Variants in DGKB observed in about 807,000 individuals in gnomAD.
DGKB encodes 90 kDa diacylglycerol kinase.
DGKB carries 67 observed loss-of-function variants against 114.3 expected under a neutral mutation model. That is an observed-to-expected ratio of 0.59 (90% CI 0.48 to 0.72). DGKB has a LOEUF of 0.72. Ranked by LOEUF, DGKB falls within the 30% of genes least tolerant of loss-of-function variation. The pLI is 0.00. For missense variants in DGKB, 907 were observed against 975.2 expected (o/e 0.93, Z 0.93); for synonymous variants, 398 against 323.1 (o/e 1.23, Z -2.49).
chr7:14,632,193 T>A (rs1253296169), intron 13 of DGKB, among the ~76,000 whole-genome samples: 1 of 151,872 alleles, frequency 6.6e-6, no homozygotes, highest in Non-Finnish European at 1.5e-5. Context: ...ACAGAAGGCA[T>A]TTTGGGGATA....
At chr7:14,177,005 T>C (rs1201549212) in intron 24 of DGKB, 106 bp from the exon 25 acceptor site, 12 of 1,311,458 alleles carry the variant, frequency 9.2e-6, no homozygotes, top group South Asian at 2.8e-5. Context: ...ATGGTAATAG[T>C]TGGGCTCTAA....
intron 6 of DGKB, among the ~76,000 whole-genome samples, chr7:14,711,523 G>A (rs757368309): frequency 2.7e-4 from 41 of 152,162 alleles, no homozygotes; most frequent in Middle Eastern, 3.4e-3. Flanking sequence ...AACAGTAAGA[G>A]ATGAAATAGG....
At chr7:14,818,891 C>T (rs1182998830) in intron 2 of DGKB, among the ~76,000 whole-genome samples, 8 of 152,116 alleles carry the variant, frequency 5.3e-5, no homozygotes, top group Non-Finnish European at 1.2e-4. Context: ...GTGGAAGCAC[C>T]GAGGTTTGAA....
chr7:14,184,825 C>T lies in DGKB; in HGVS notation c.2123-6674G>A, dbSNP rs539591983. The stretch of plus-strand genomic sequence containing the variant: ...AAAAGCATTGGATTAAATCCAGCGT[C>T]TCTTTATGATTAAAGCTCTCAGCAA... On this transcript the variant is annotated intron_variant, in intron 23 of 25. Transcript: ENST00000402815. Among the ~76,000 whole-genome samples the T allele has an allele frequency of 2.1e-3, 318 of 152,282 alleles. 1 individual carries two copies. Among genetic ancestry groups the T allele is most frequent in the South Asian group, 3.5e-3 (17 of 4,824 alleles).
intron 13 of DGKB, among the ~76,000 whole-genome samples, chr7:14,631,051 G>A (rs1357487660): frequency 1.3e-5 from 2 of 151,514 alleles, no homozygotes; most frequent in Non-Finnish European, 2.9e-5. Context: ...TGCTGGAACG[G>A]GAGAAGAAAA....
intron 21 of DGKB, among the ~76,000 whole-genome samples, chr7:14,418,360 T>A (rs1826088839): frequency 9.6e-6 from 1 of 103,764 alleles, no homozygotes; most frequent in Non-Finnish European, 1.9e-5. Flanking sequence ...TTCACATATA[T>A]ATGTGTGTGT....
chr7:14,807,500 A>T (rs529083193), intron 2 of DGKB, among the ~76,000 whole-genome samples: 1 of 152,012 alleles, frequency 6.6e-6, no homozygotes, highest in African/African-American at 2.4e-5. Context: ...ACTCTGTCCC[A>T]TGGGAAATCA....
At chr7:14,893,306 T>C (rs1781584688) in intron 1 of DGKB, among the ~76,000 whole-genome samples, 1 of 151,372 alleles carries the variant, frequency 6.6e-6, no homozygotes, top group African/African-American at 2.4e-5. Context: ...AATTAACCTC[T>C]CAGCAACATC....
At chr7:14,914,494 A>G (rs1784141945) in intron 1 of DGKB, among the ~76,000 whole-genome samples, 1 of 152,200 alleles carries the variant, frequency 6.6e-6, no homozygotes, top group Non-Finnish European at 1.5e-5. Flanking sequence ...CATACAATAT[A>G]GCAAATATTA....
intron 23 of DGKB, chr7:14,191,769 T>A (rs542370057): frequency 5.9e-6 from 2 of 337,510 alleles, no homozygotes; most frequent in East Asian, 1.6e-4. Flanking sequence ...GACCCACCAA[T>A]GGAAACAAAT....
chr7:14,813,671 A>C (rs912929271), intron 2 of DGKB, among the ~76,000 whole-genome samples: 2 of 152,138 alleles, frequency 1.3e-5, no homozygotes, highest in Non-Finnish European at 2.9e-5. Flanking sequence ...TTATTGTAAT[A>C]ACTTACTCCT....
At chr7:14,610,941 G>A (rs1296987333) in intron 16 of DGKB, among the ~76,000 whole-genome samples, 2 of 152,072 alleles carry the variant, frequency 1.3e-5, no homozygotes, top group East Asian at 1.9e-4. Context: ...TTATGCCAGT[G>A]TCCAGTTATT....
At chr7:14,748,791 A>G (rs1833725239) in intron 4 of DGKB, among the ~76,000 whole-genome samples, 1 of 152,166 alleles carries the variant, frequency 6.6e-6, no homozygotes, top group Non-Finnish European at 1.5e-5. Flanking sequence ...ATCAGTTTTT[A>G]TGTTTTTCTA....
chr7:14,889,966 T>G (rs763133590), intron 1 of DGKB, among the ~76,000 whole-genome samples: 2 of 151,506 alleles, frequency 1.3e-5, no homozygotes, highest in African/African-American at 4.8e-5. Context: ...GGGTGATGTA[T>G]AAAAACAATG....
chr7:14,315,398 CAG>C (rs1443900469), intron 23 of DGKB, among the ~76,000 whole-genome samples: 2 of 150,204 alleles, frequency 1.3e-5, no homozygotes, highest in Admixed American at 1.3e-4. Context: ...ATCTCACGTG[CAG>C]AGACACACAT....
At position 14,178,057 on chromosome 7, in the gene DGKB, C is replaced by T; in HGVS notation, c.2217G>A (p.Leu739=). The change falls in exon 24 of 26, where the codon CTG becomes CTA. Residue 739 remains leucine (L), a synonymous_variant. Coordinates refer to ENST00000402815, the MANE Select transcript of DGKB (RefSeq NM_001350709.2). ...TGATGACCACGCAGGAGCACTGAGC[C>T]AGCCGCCGGCCAGCACTTTTCAGGC... is the stretch of plus-strand genomic sequence containing the variant. ...YTGLKSAGRR[L]AQCSCVVIRT... 1 of 1,601,544 alleles carries T rather than the reference C, an allele frequency of 6.2e-7. No homozygotes were observed. Among genetic ancestry groups the T allele is most frequent in the Non-Finnish European group, 8.5e-7 (1 of 1,175,622 alleles).
At chr7:14,182,896 G>A (rs1782845351) in intron 23 of DGKB, among the ~76,000 whole-genome samples, 1 of 152,126 alleles carries the variant, frequency 6.6e-6, no homozygotes, top group African/African-American at 2.4e-5. Context: ...AGAATATAGT[G>A]GGTACTGAAG....
At chr7:14,662,793 C>G (rs1156781653) in intron 13 of DGKB, among the ~76,000 whole-genome samples, 1 of 151,666 alleles carries the variant, frequency 6.6e-6, no homozygotes, top group Non-Finnish European at 1.5e-5. Context: ...AATAGTGTTT[C>G]TATTTATATA....
intron 21 of DGKB, among the ~76,000 whole-genome samples, chr7:14,430,644 T>A (rs890266415): frequency 1.7e-4 from 26 of 152,164 alleles, no homozygotes; most frequent in African/African-American, 6.3e-4. Context: ...TAAAGTTTCA[T>A]TTTAGATGAA....
Sources: allele counts gnomAD v4.1 joint callset (sites outside exome capture counted in the v4.1 genomes callset), GRCh38; gene constraint gnomAD v4.1.1; transcripts MANE v1.5; gene names NCBI Gene and HGNC (gene_info 2026-07-23, HGNC 2026-07-21).